GNB1L: variants seen among roughly 807,000 people sequenced by gnomAD.
The protein encoded by GNB1L is guanine nucleotide-binding protein subunit beta-like protein 1.
Under a neutral mutation model 29.1 loss-of-function variants are expected in GNB1L, and 20 were observed. That is an observed-to-expected ratio of 0.69 (90% CI 0.48 to 1.00). The LOEUF (loss-of-function observed/expected upper bound fraction) is 1.00. Among genes scored for constraint, GNB1L ranks in the 50% least tolerant of loss-of-function variants. The pLI is 0.00. For synonymous variants in GNB1L, 193 were observed against 206.5 expected (o/e 0.93, Z 0.56); for missense variants, 421 against 464.9 (o/e 0.91, Z 0.87).
chr22:19,790,012 G>A (rs1937235929), intron 7 of GNB1L, among the ~76,000 whole-genome samples: 1 of 152,196 alleles, frequency 6.6e-6, no homozygotes, highest in Non-Finnish European at 1.5e-5. Flanking sequence ...GCAAGGCTGA[G>A]GAGGAAGGCG....
Position 19,788,377 on chromosome 22 carries a change from A to G in GNB1L, c.*332T>C, listed in dbSNP as rs1937211144. On this transcript the variant is annotated 3_prime_UTR_variant, in exon 8 of 8. Transcript: ENST00000329517. ...GGGCACTGATGCTAAGTGGGGGACC[A>G]GGGCCTCCTCAGGGAGCTCCCACCT... The G allele has an allele frequency of 3.4e-6, 2 of 583,220 alleles. No individual in the cohort carries two copies. Among genetic ancestry groups the G allele is most frequent in the Non-Finnish European group, 6.1e-6 (2 of 327,698 alleles). The allele number at this position is 583,220 out of a possible 1,614,324, so 36.1% of individuals were successfully genotyped here. A position where few individuals can be genotyped will look rare whatever the true frequency, so the allele number is the denominator to read the frequency against.
chr22:19,806,542 G>A (rs1569042260), intron 6 of GNB1L, 117 bp downstream of exon 6: 5 of 652,398 alleles, frequency 7.7e-6, no homozygotes, highest in South Asian at 5.6e-5. Context: ...GGTTCCCTGC[G>A]GCAGGGGGGT....
chr22:19,800,824 A>G (rs9606160), intron 7 of GNB1L, among the ~76,000 whole-genome samples: 120,468 of 152,256 alleles, frequency 0.79, 48,670 homozygotes, highest in African/African-American at 0.95. Context: ...TGTGTATCCT[A>G]GTCTCACCAG....
At chr22:19,846,473 G>A (rs1241755176) in intron 2 of GNB1L, 2 of 985,054 alleles carry the variant, frequency 2.0e-6, no homozygotes, top group African/African-American at 3.5e-5. Context: ...AGGGCCTGGG[G>A]GACTCTGCAC....
chr22:19,812,861 T>C (rs1937511791), intron 4 of GNB1L, among the ~76,000 whole-genome samples: 1 of 152,114 alleles, frequency 6.6e-6, no homozygotes, highest in Admixed American at 6.5e-5. Flanking sequence ...CTGAGGCATT[T>C]TGGGGTAGTG....
rs1029722300 is a variant in GNB1L at position 19,854,851 on chromosome 22, A to C, written c.-149T>G. 7 of 152,344 alleles carry C rather than the reference A, an allele frequency of 4.6e-5. 1 individual carries two copies. In the South Asian group the frequency reaches 1.0e-3, roughly 23 times the overall value. The allele number at this position is 152,344 out of a possible 1,614,324, so 9.4% of individuals were successfully genotyped here. ...GCCGGAGTCGGGAACGCCTGCTCCTAGGAGCGCCGCGCAGCGTCCAGAGAC... is the reference window on the plus strand; with the variant it reads ...GCCGGAGTCGGGAACGCCTGCTCCTCGGAGCGCCGCGCAGCGTCCAGAGAC... On this transcript the variant is annotated 5_prime_UTR_variant, in exon 1 of 8. Transcript: ENST00000329517.
chr22:19,819,891 T>C (rs1014983268), intron 4 of GNB1L, among the ~76,000 whole-genome samples: 8 of 152,104 alleles, frequency 5.3e-5, no homozygotes, highest in African/African-American at 1.7e-4. Flanking sequence ...CACACTGCTG[T>C]GGGACAGCAC....
At chr22:19,806,898 G>T in intron 5 of GNB1L, 141 bp from the exon 6 acceptor site, 1 of 712,644 alleles carries the variant, frequency 1.4e-6, no homozygotes, top group Non-Finnish European at 2.5e-6. Flanking sequence ...GGGAGCCCAG[G>T]CTCCTAATTA....
At chr22:19,838,001 G>A (rs1937794461) in intron 2 of GNB1L, among the ~76,000 whole-genome samples, 1 of 152,252 alleles carries the variant, frequency 6.6e-6, no homozygotes, top group Non-Finnish European at 1.5e-5. Context: ...CAGAGACGCA[G>A]GAAGATACTT....
chr22:19,806,614 G>C, intron 6 of GNB1L, 45 bp downstream of exon 6: 1 of 1,191,424 alleles, frequency 8.4e-7, no homozygotes, highest in South Asian at 1.3e-5. Context: ...ACTCATGGCC[G>C]TGGGTGTGGC....
chr22:19,821,416 T>C (rs1937578578), intron 2 of GNB1L, 41 bp from the exon 3 acceptor site: 1 of 1,582,270 alleles, frequency 6.3e-7, no homozygotes, highest in African/African-American at 1.3e-5. Flanking sequence ...TGCGTCCCTA[T>C]TCTCACCCTC....
rs1937193507 is a variant in GNB1L, at chr22:19,786,585, G to T, written c.*2124C>A. 6.6e-6 allele frequency: 1 copy of T among 152,288 alleles called. No homozygotes were observed. Among genetic ancestry groups the T allele is most frequent in the Non-Finnish European group, 1.5e-5 (1 of 68,074 alleles). 9.4% of individuals were successfully genotyped at this position (152,288 alleles called of 1,614,324 possible). On this transcript the variant is annotated 3_prime_UTR_variant, in exon 8 of 8. Coordinates refer to ENST00000329517, the MANE Select transcript of GNB1L (RefSeq NM_053004.3). ...CAAAGATGACAGGGACATAAACAGG[G>T]GAAGGGGTAGAGGCCCAGAACCCTC...
intron 2 of GNB1L, among the ~76,000 whole-genome samples, chr22:19,840,725 G>A (rs962040339): frequency 1.2e-4 from 18 of 152,014 alleles, no homozygotes; most frequent in Admixed American, 3.9e-4. Context: ...CAGGAGAATC[G>A]CTTGAACCCG....
At chr22:19,796,711 C>T (rs1280925265) in intron 7 of GNB1L, among the ~76,000 whole-genome samples, 2 of 152,024 alleles carry the variant, frequency 1.3e-5, no homozygotes, top group Non-Finnish European at 2.9e-5. Flanking sequence ...CTTCTTGCAC[C>T]AGGGAGCCCA....
intron 2 of GNB1L, chr22:19,852,081 T>C: frequency 6.2e-7 from 1 of 1,614,162 alleles, no homozygotes; most frequent in Non-Finnish European, 8.5e-7. Context: ...TGCTCCATGG[T>C]CGTTCGCACA....
intron 2 of GNB1L, among the ~76,000 whole-genome samples, chr22:19,853,744 C>T (rs1017438153): frequency 6.6e-6 from 1 of 152,094 alleles, no homozygotes; most frequent in Non-Finnish European, 1.5e-5. Flanking sequence ...ACCTGAAAGC[C>T]CAGCCCATGA....
rs1268717459 is a variant in GNB1L at position 19,851,924 on chromosome 22, A to G, written c.-21+2519T>C. On this transcript the variant is annotated intron_variant, in intron 2 of 7. Transcript: ENST00000329517. ...CAGCTGGGCCAAGAAGCGGTCCAGT[A>G]GCCACGGGGAGCCATCAAAGGTGCC... The G allele has an allele frequency of 2.5e-6, 4 of 1,614,018 alleles. No individual in the cohort carries two copies. In the African/African-American group the frequency reaches 4.0e-5, roughly 16 times the overall value.
intron 2 of GNB1L, chr22:19,848,387 AG>A (rs1938016140): frequency 1.0e-6 from 1 of 985,428 alleles, no homozygotes; most frequent in Admixed American, 6.1e-5. Flanking sequence ...AAAACAACCC[AG>A]GGGGAATGCC....
chr22:19,835,122 C>G (rs1043567920), intron 2 of GNB1L, among the ~76,000 whole-genome samples: 4 of 152,020 alleles, frequency 2.6e-5, no homozygotes, highest in Non-Finnish European at 4.4e-5. Context: ...GAAGAAAAAA[C>G]TGATGGAACT....
Sources: gnomAD v4.1 joint callset for allele counts (sites outside exome capture counted in the v4.1 genomes callset) on GRCh38, gnomAD v4.1.1 for gene constraint, MANE v1.5 for transcripts, NCBI Gene and HGNC (gene_info 2026-07-23, HGNC 2026-07-21) for gene names.